The following GRIP1 variants were observed in gnomAD, a reference collection of about 807,000 sequenced individuals.
The protein encoded by GRIP1 is glutamate receptor interacting protein 1, also known as glutamate receptor-interacting protein 1.
In GRIP1, 45 loss-of-function variants were observed where a neutral mutation model predicts 129.9. The ratio of observed to expected loss-of-function variants is 0.35; its 90% CI spans 0.27 to 0.44. The LOEUF (loss-of-function observed/expected upper bound fraction) is 0.44. Among genes scored for constraint, GRIP1 ranks in the 20% least tolerant of loss-of-function variants. The pLI, the probability that GRIP1 is intolerant of heterozygous loss-of-function variation, is 1.00. For synonymous variants in GRIP1, 530 were observed against 520.8 expected (o/e 1.02, Z -0.24); for missense variants, 1,196 against 1,396.8 (o/e 0.86, Z 2.29).
At chr12:66,393,631 A>T (rs1239092869) in intron 17 of GRIP1, among the ~76,000 whole-genome samples, 3 of 152,184 alleles carry the variant, frequency 2.0e-5, no homozygotes, top group African/African-American at 7.2e-5. Context: ...GGTTTGTTAT[A>T]TGTCCAACAA....
rs558899081 is a variant in GRIP1 at position 66,597,092 on chromosome 12, TG to T, written c.56-166del. Among the ~76,000 whole-genome samples the T allele has an allele frequency of 1.8e-3, 280 of 152,316 alleles. 3 individuals are homozygous for T. Among genetic ancestry groups the T allele is most frequent in the Non-Finnish European group, 3.3e-3 (224 of 68,028 alleles). On this transcript the variant is annotated intron_variant, in intron 1 of 24. Coordinates refer to ENST00000359742, the MANE Select transcript of GRIP1 (RefSeq NM_001366722.1). ...TTGGGTTAGCTGTGGGATAAATCTT[TG>T]AAAATGTTGTGAATATGTTTCTTCC...
intron 1 of GRIP1, among the ~76,000 whole-genome samples, chr12:66,817,681 G>A (rs945339145): frequency 6.6e-6 from 1 of 152,130 alleles, no homozygotes; most frequent in African/African-American, 2.4e-5. Flanking sequence ...CCAAAGTACT[G>A]AGATTACAGG....
chr12:66,864,823 G>A (rs991387464), intron 1 of GRIP1, among the ~76,000 whole-genome samples: 1 of 152,140 alleles, frequency 6.6e-6, no homozygotes, highest in Non-Finnish European at 1.5e-5. Flanking sequence ...AAAGGCTTTT[G>A]TAGTTCAAAT....
At chr12:67,055,344 T>G (rs979932521) in intron 1 of GRIP1, among the ~76,000 whole-genome samples, 16 of 149,998 alleles carry the variant, frequency 1.1e-4, no homozygotes, top group Non-Finnish European at 1.5e-5. Context: ...AGGGTTAACC[T>G]TGGGTAAGAG....
chr12:66,652,013 T>G (rs188020574), intron 1 of GRIP1, among the ~76,000 whole-genome samples: 1 of 152,276 alleles, frequency 6.6e-6, no homozygotes, highest in Admixed American at 6.5e-5. Flanking sequence ...CTGAGGAGTA[T>G]GTTGAAATTT....
intron 16 of GRIP1, among the ~76,000 whole-genome samples, chr12:66,406,068 T>C (rs2057180472): frequency 6.6e-6 from 1 of 152,232 alleles, no homozygotes; most frequent in Non-Finnish European, 1.5e-5. Context: ...TAATATGTTT[T>C]CTATAATGAA....
chr12:66,788,776 T>C (rs2038439453), intron 1 of GRIP1, among the ~76,000 whole-genome samples: 1 of 152,018 alleles, frequency 6.6e-6, no homozygotes, highest in Non-Finnish European at 1.5e-5. Context: ...TCCCTCCCCA[T>C]TCCAGCCGAG....
At chr12:66,723,332 A>ATTTTTTTTTTT (rs2036153490) in intron 1 of GRIP1, among the ~76,000 whole-genome samples, 1 of 66,218 alleles carries the variant, frequency 1.5e-5, no homozygotes, top group African/African-American at 6.5e-5. Flanking sequence ...TTTTTTTTTG[A>ATTTTTTTTTTT]GACAGAGTCT....
intron 15 of GRIP1, among the ~76,000 whole-genome samples, chr12:66,411,585 C>T (rs780033502): frequency 1.3e-4 from 20 of 152,184 alleles, no homozygotes; most frequent in Non-Finnish European, 4.4e-5. Context: ...TTCCAAATAA[C>T]TGCGACACTT....
At chr12:66,579,851 G>A (rs1304674969) in intron 2 of GRIP1, among the ~76,000 whole-genome samples, 2 of 150,430 alleles carry the variant, frequency 1.3e-5, no homozygotes, top group Admixed American at 6.7e-5. Flanking sequence ...TTATCCAGGA[G>A]AACTTCCCCA....
chr12:66,548,903 C>G (rs996399998), intron 2 of GRIP1, among the ~76,000 whole-genome samples: 26 of 152,158 alleles, frequency 1.7e-4, no homozygotes, highest in African/African-American at 6.0e-4. Flanking sequence ...TCAAAATGCT[C>G]TATAAGATCT....
intron 1 of GRIP1, among the ~76,000 whole-genome samples, chr12:67,009,799 T>C (rs1453399997): frequency 6.6e-6 from 1 of 152,136 alleles, no homozygotes; most frequent in African/African-American, 2.4e-5. Context: ...GGGAAACCAA[T>C]AGCTACCCTC....
chr12:66,628,283 G>A (rs1277069459), intron 1 of GRIP1, among the ~76,000 whole-genome samples: 2 of 152,056 alleles, frequency 1.3e-5, no homozygotes, highest in Admixed American at 6.5e-5. Flanking sequence ...GCCTGTTAGA[G>A]GGAATATACA....
chr12:66,353,519 A>C lies in GRIP1; in HGVS notation c.3057T>G (p.Ser1019Arg), dbSNP rs1565657620. The change falls in exon 24 of 25, where the codon AGT becomes AGG. Residue 1019 changes from serine to arginine, a missense_variant. Coordinates refer to ENST00000359742, the MANE Select transcript of GRIP1 (RefSeq NM_001366722.1). ...CTTTCTCCAGTAAGCCATCTGCTAC[A>C]CTGAACCCAAAGTCCTCCATGTCAG... Reference protein sequence around the residue: ...KDSDMEDFGFSVADGLLEKGV... With the variant: ...KDSDMEDFGFRVADGLLEKGV... The C allele has an allele frequency of 5.6e-6, 9 of 1,613,752 alleles. No homozygotes were observed. The highest frequency in any genetic ancestry group is 7.6e-6 in the Non-Finnish European group (9 of 1,179,622).
chr12:67,014,033 C>T (rs528667892), intron 1 of GRIP1, among the ~76,000 whole-genome samples: 2 of 152,272 alleles, frequency 1.3e-5, no homozygotes, highest in African/African-American at 4.8e-5. Context: ...AAAAATACTG[C>T]AATTATTTTG....
chr12:66,887,696 A>T (rs1189043561), intron 1 of GRIP1, among the ~76,000 whole-genome samples: 1 of 152,236 alleles, frequency 6.6e-6, no homozygotes, highest in Non-Finnish European at 1.5e-5. Flanking sequence ...CTCTTAAGAA[A>T]CTAACCTCTA....
At chr12:66,584,752 T>G (rs951925068) in intron 2 of GRIP1, among the ~76,000 whole-genome samples, 47 of 152,026 alleles carry the variant, frequency 3.1e-4, no homozygotes, top group African/African-American at 1.1e-3. Flanking sequence ...GTTAGCGCTA[T>G]ACTGCACTGC....
chr12:66,409,978 C>A (rs967710949), intron 15 of GRIP1, among the ~76,000 whole-genome samples: 4 of 152,024 alleles, frequency 2.6e-5, no homozygotes, highest in African/African-American at 4.8e-5. Context: ...TGGCCGGGCG[C>A]GGTGGCTCAC....
chr12:66,639,579 A>G (rs957607998), intron 1 of GRIP1, among the ~76,000 whole-genome samples: 4 of 152,162 alleles, frequency 2.6e-5, no homozygotes, highest in African/African-American at 9.7e-5. Context: ...TGGGTTGTGA[A>G]GAGATTAAAT....
Sources: allele counts gnomAD v4.1 joint callset (sites outside exome capture counted in the v4.1 genomes callset), GRCh38; gene constraint gnomAD v4.1.1; transcripts MANE v1.5; gene names NCBI Gene and HGNC (gene_info 2026-07-23, HGNC 2026-07-21).